Variants in GAN observed in about 807,000 individuals in gnomAD.
GAN encodes epididymis secretory sperm binding protein.
In GAN, 48 loss-of-function variants were observed where a neutral mutation model predicts 71.3. The ratio of observed to expected loss-of-function variants is 0.67; its 90% CI spans 0.53 to 0.86. The LOEUF is 0.86. Ranked by LOEUF, GAN falls within the 40% of genes least tolerant of loss-of-function variation. The pLI is 0.00. For missense variants in GAN, 928 were observed against 770.1 expected, an observed-to-expected ratio of 1.21 and a Z score of -2.43; for synonymous variants, 386 against 276.8, an observed-to-expected ratio of 1.39 and a Z score of -3.92.
chr16:81,351,667 A>G lies in GAN; in HGVS notation c.252A>G (p.Arg84=), dbSNP rs1435557918. The change falls in exon 2 of 11, where the codon AGA becomes AGG. Residue 84 remains arginine, a synonymous_variant. Coordinates refer to ENST00000648994, the MANE Select transcript of GAN (RefSeq NM_022041.4). ...ELEGISVMVM[R]EILDYIFSGQ... ...AAGGGATATCGGTAATGGTTATGAG[A>G]GAGATCCTGGATTACATCTTCAGTG... The G allele has an allele frequency of 1.3e-6, 2 of 1,535,708 alleles. No individual in the cohort carries two copies. The highest frequency in any genetic ancestry group is 1.4e-5 in the African/African-American group (1 of 73,464).
intron 1 of GAN, among the ~76,000 whole-genome samples, chr16:81,332,561 G>A (rs1909617849): frequency 6.6e-6 from 1 of 152,132 alleles, no homozygotes; most frequent in Admixed American, 6.5e-5. Context: ...ACCTGAGTCG[G>A]GTGCCACCTC....
chr16:81,361,157 A>C (rs1278162114), intron 5 of GAN, among the ~76,000 whole-genome samples: 1 of 152,198 alleles, frequency 6.6e-6, no homozygotes, highest in Non-Finnish European at 1.5e-5. Flanking sequence ...CCCAGGAGGC[A>C]GAAGTTGCAG....
chr16:81,366,326 C>G (rs2150692514), intron 9 of GAN, among the ~76,000 whole-genome samples: 1 of 152,312 alleles, frequency 6.6e-6, no homozygotes, highest in Non-Finnish European at 1.5e-5. Context: ...GGCTTGATTT[C>G]TGAGATTCTT....
chr16:81,364,018 A>G, intron 7 of GAN, 75 bp downstream of exon 7: 3 of 1,088,764 alleles, frequency 2.8e-6, no homozygotes, highest in East Asian at 2.4e-5. Flanking sequence ...CATATCCTGA[A>G]TAAACCTTTA....
intron 1 of GAN, among the ~76,000 whole-genome samples, chr16:81,347,741 C>G (rs372780296): frequency 1.3e-5 from 2 of 152,134 alleles, no homozygotes; most frequent in African/African-American, 4.8e-5. Context: ...CTTTCATTTA[C>G]AAGTATGAAG....
intron 1 of GAN, among the ~76,000 whole-genome samples, chr16:81,335,475 G>C (rs939089279): frequency 2.6e-5 from 4 of 152,042 alleles, no homozygotes; most frequent in Non-Finnish European, 4.4e-5. Context: ...GGCCGGGCAT[G>C]GTGGCTCATG....
At position 81,315,022 on chromosome 16, in the gene GAN, G is replaced by T; in HGVS notation, c.-92G>T. The T allele has an allele frequency of 9.0e-7, 1 of 1,110,290 alleles. No homozygotes were observed. Among genetic ancestry groups the T allele is most frequent in the Non-Finnish European group, 1.2e-6 (1 of 843,928 alleles). 68.8% of individuals were successfully genotyped at this position (1,110,290 alleles called of 1,614,324 possible). A position where few individuals can be genotyped will look rare whatever the true frequency, so the allele number is the denominator to read the frequency against. On this transcript the variant is annotated 5_prime_UTR_variant, in exon 1 of 11. Coordinates refer to ENST00000648994, the MANE Select transcript of GAN (RefSeq NM_022041.4). The stretch of plus-strand genomic sequence containing the variant: ...TGCTCAGAGCGCGGAGAGCCGGGCC[G>T]GGCGGGCGCGCGCGCAGGACTCGGG...
At chr16:81,376,633 TA>T (rs1288292652) in intron 9 of GAN, among the ~76,000 whole-genome samples, 1 of 16,182 alleles carries the variant, frequency 6.2e-5, no homozygotes, top group African/African-American at 4.3e-4. Flanking sequence ...TATACATACA[TA>T]TATGTGTGTA....
chr16:81,327,596 T>C (rs1461565053), intron 1 of GAN, among the ~76,000 whole-genome samples: 1 of 150,346 alleles, frequency 6.7e-6, no homozygotes, highest in African/African-American at 2.5e-5. Context: ...TTAGGAGGCC[T>C]ACTTTCTTTG....
chr16:81,376,786 G>C (rs1006852739), intron 9 of GAN, among the ~76,000 whole-genome samples: 2 of 152,102 alleles, frequency 1.3e-5, no homozygotes, highest in African/African-American at 4.8e-5. Flanking sequence ...GCTGGGGTGG[G>C]AGGATCACCT....
chr16:81,346,863 C>G (rs1467350839), intron 1 of GAN, among the ~76,000 whole-genome samples: 1 of 152,192 alleles, frequency 6.6e-6, no homozygotes, highest in Non-Finnish European at 1.5e-5. Context: ...CTCTCACCTC[C>G]TCCAGTGTCT....
rs1245701843 is a variant in GAN, at chr16:81,380,453, C to G, written c.*2857C>G. The G allele has an allele frequency of 1.3e-5, 2 of 152,340 alleles. No homozygotes were observed. Among genetic ancestry groups the G allele is most frequent in the Non-Finnish European group, 2.9e-5 (2 of 68,016 alleles). The allele number at this position is 152,340 out of a possible 1,614,324, so 9.4% of individuals were successfully genotyped here. On this transcript the variant is annotated 3_prime_UTR_variant, in exon 11 of 11. Transcript: ENST00000648994. ...TAGTTTGTTTCTTTGTTTAGCATATCCAAATTTAGATTTTTCAAAGATTTA... is the reference window on the plus strand; with the variant it reads ...TAGTTTGTTTCTTTGTTTAGCATATGCAAATTTAGATTTTTCAAAGATTTA...
intron 1 of GAN, among the ~76,000 whole-genome samples, chr16:81,320,279 G>C (rs939195655): frequency 6.6e-6 from 1 of 152,254 alleles, no homozygotes; most frequent in Non-Finnish European, 1.5e-5. Flanking sequence ...ATACACTGTA[G>C]TTTAATGTCA....
Position 81,377,737 on chromosome 16 carries a change from C to A in GAN, c.*141C>A. The A allele has an allele frequency of 1.2e-6, 1 of 802,318 alleles. No homozygotes were observed. Among genetic ancestry groups the A allele is most frequent in the Non-Finnish European group, 2.1e-6 (1 of 465,198 alleles). 49.7% of individuals were successfully genotyped at this position (802,318 alleles called of 1,614,324 possible). On this transcript the variant is annotated 3_prime_UTR_variant, in exon 11 of 11. Transcript: ENST00000648994. ...CTCTTTGGTGGTTTTATGATGCTTA[C>A]AAACTTGAGCTTTAGCTCTTGTTTG...
intron 1 of GAN, among the ~76,000 whole-genome samples, chr16:81,318,510 C>A (rs1403638116): frequency 6.6e-6 from 1 of 152,002 alleles, no homozygotes; most frequent in East Asian, 1.9e-4. Context: ...AATAATAAAT[C>A]ATGTATATAA....
chr16:81,340,626 C>T (rs917191032), intron 1 of GAN, among the ~76,000 whole-genome samples: 1 of 151,996 alleles, frequency 6.6e-6, no homozygotes, highest in Non-Finnish European at 1.5e-5. Context: ...AAAACCCCAC[C>T]CATAGGTCAC....
At chr16:81,348,674 G>T (rs1295732740) in intron 1 of GAN, among the ~76,000 whole-genome samples, 3 of 152,306 alleles carry the variant, frequency 2.0e-5, no homozygotes, top group Middle Eastern at 6.8e-3. Flanking sequence ...GATGTGACAT[G>T]AGAAAGTTTT....
intron 1 of GAN, among the ~76,000 whole-genome samples, chr16:81,336,251 C>T (rs1191018652): frequency 1.3e-5 from 2 of 152,182 alleles, no homozygotes; most frequent in African/African-American, 4.8e-5. Context: ...GGTTGTGTCT[C>T]AGACGTCTGT....
At chr16:81,347,154 C>G (rs1242790468) in intron 1 of GAN, among the ~76,000 whole-genome samples, 2 of 152,150 alleles carry the variant, frequency 1.3e-5, no homozygotes, top group African/African-American at 2.4e-5. Context: ...AGAATTGACT[C>G]AAATTCTTTC....
Sources: gnomAD v4.1 joint callset for allele counts (sites outside exome capture counted in the v4.1 genomes callset) on GRCh38, gnomAD v4.1.1 for gene constraint, MANE v1.5 for transcripts, NCBI Gene and HGNC (gene_info 2026-07-23, HGNC 2026-07-21) for gene names.